The following ZBTB20 variants were observed in gnomAD, a reference collection of about 807,000 sequenced individuals.
ZBTB20 encodes the protein zinc finger and BTB domain-containing protein 20.
In ZBTB20, 9 loss-of-function variants were observed where a neutral mutation model predicts 56.9. That is an observed-to-expected ratio of 0.16 (90% CI 0.10 to 0.28). The LOEUF is 0.28. Among genes scored for constraint, ZBTB20 ranks in the 10% least tolerant of loss-of-function variants. The pLI, the probability that ZBTB20 is intolerant of heterozygous loss-of-function variation, is 1.00. For missense variants in ZBTB20, 655 were observed against 1,003.0 expected, an observed-to-expected ratio of 0.65 and a Z score of 4.69; for synonymous variants, 417 against 420.7, an observed-to-expected ratio of 0.99 and a Z score of 0.11.
chr3:115,063,894 T>C (rs2082108244), intron 2 of ZBTB20, among the ~76,000 whole-genome samples: 1 of 152,196 alleles, frequency 6.6e-6, no homozygotes, highest in Non-Finnish European at 1.5e-5. Flanking sequence ...TCTTTGATAC[T>C]ACCTCATTTC....
intron 10 of ZBTB20, among the ~76,000 whole-genome samples, chr3:114,376,236 G>C: frequency 6.6e-6 from 1 of 152,138 alleles, no homozygotes; most frequent in East Asian, 1.9e-4. Flanking sequence ...AAAAATCAAA[G>C]GATAAAAGCT....
At chr3:114,838,145 G>A (rs35767067) in intron 4 of ZBTB20, among the ~76,000 whole-genome samples, 14,304 of 152,122 alleles carry the variant, frequency 0.094, 977 homozygotes, top group Middle Eastern at 0.19. Flanking sequence ...GAGGCAATTC[G>A]TGAGGGCCTC....
intron 7 of ZBTB20, among the ~76,000 whole-genome samples, chr3:114,492,470 C>T (rs1214277554): frequency 2.0e-5 from 3 of 152,208 alleles, no homozygotes; most frequent in African/African-American, 7.2e-5. Context: ...GTCATTGTTG[C>T]CACTTCTCTC....
At chr3:115,085,059 A>G (rs2082935298) in intron 1 of ZBTB20, among the ~76,000 whole-genome samples, 1 of 152,006 alleles carries the variant, frequency 6.6e-6, no homozygotes, top group Non-Finnish European at 1.5e-5. Context: ...ATCTTTTCCA[A>G]AAAAAGATAT....
intron 7 of ZBTB20, among the ~76,000 whole-genome samples, chr3:114,466,360 C>A (rs996595249): frequency 6.6e-6 from 1 of 152,164 alleles, no homozygotes. Flanking sequence ...GCAAGGCACA[C>A]AACTAATAAG....
At chr3:114,951,369 TAA>T (rs2077061908) in intron 3 of ZBTB20, among the ~76,000 whole-genome samples, 1 of 152,014 alleles carries the variant, frequency 6.6e-6, no homozygotes. Context: ...CCAGGAAAAC[TAA>T]AAAATACTAA....
At chr3:115,079,511 C>A (rs1286440703) in intron 1 of ZBTB20, among the ~76,000 whole-genome samples, 3 of 152,130 alleles carry the variant, frequency 2.0e-5, no homozygotes, top group Non-Finnish European at 4.4e-5. Context: ...GCCTCAGCCT[C>A]CTGAGTAGCT....
intron 4 of ZBTB20, among the ~76,000 whole-genome samples, chr3:114,860,388 G>A (rs2075469392): frequency 6.6e-6 from 1 of 152,152 alleles, no homozygotes; most frequent in Non-Finnish European, 1.5e-5. Flanking sequence ...AGGCCTTCAT[G>A]GGGGAGATGG....
intron 7 of ZBTB20, among the ~76,000 whole-genome samples, chr3:114,435,719 G>A (rs985578004): frequency 1.3e-5 from 2 of 152,118 alleles, no homozygotes; most frequent in African/African-American, 4.8e-5. Context: ...AGTTTGGCTT[G>A]GTTACATATT....
chr3:114,402,323 G>A (rs140449062), intron 7 of ZBTB20, among the ~76,000 whole-genome samples: 416 of 152,120 alleles, frequency 2.7e-3, no homozygotes, highest in African/African-American at 8.8e-3. Context: ...TGCTTTTGGA[G>A]TACTCTCCAA....
At chr3:114,843,653 G>GC (rs1366891730) in intron 4 of ZBTB20, among the ~76,000 whole-genome samples, 1 of 151,988 alleles carries the variant, frequency 6.6e-6, no homozygotes, top group Non-Finnish European at 1.5e-5. Context: ...ACAGGCATAA[G>GC]CCCCCATGGC....
chr3:114,929,524 C>T (rs1412936924), intron 3 of ZBTB20, among the ~76,000 whole-genome samples: 2 of 152,200 alleles, frequency 1.3e-5, no homozygotes, highest in Non-Finnish European at 2.9e-5. Context: ...TTTCCCATCT[C>T]ATGATCATGT....
intron 4 of ZBTB20, among the ~76,000 whole-genome samples, chr3:114,889,053 T>A (rs1483601348): frequency 6.6e-6 from 1 of 152,064 alleles, no homozygotes; most frequent in Non-Finnish European, 1.5e-5. Context: ...CTTTTAAAAA[T>A]ATATTTTTAA....
intron 6 of ZBTB20, among the ~76,000 whole-genome samples, chr3:114,560,649 C>T (rs1172878996): frequency 1.3e-5 from 2 of 152,110 alleles, no homozygotes; most frequent in Admixed American, 1.3e-4. Flanking sequence ...TACTTTATTG[C>T]TGAAAAGTGC....
chr3:114,713,943 C>G (rs574264436), intron 5 of ZBTB20: 1 of 152,684 alleles, frequency 6.5e-6, no homozygotes, highest in South Asian at 2.1e-4. Context: ...AGTTTCATCT[C>G]TGATCGAATT....
intron 7 of ZBTB20, among the ~76,000 whole-genome samples, chr3:114,481,347 C>T (rs1340665645): frequency 6.6e-6 from 1 of 151,864 alleles, no homozygotes; most frequent in East Asian, 1.9e-4. Context: ...CATCCTACTA[C>T]TCTAGTGCTG....
intron 7 of ZBTB20, among the ~76,000 whole-genome samples, chr3:114,412,552 G>C (rs1320950239): frequency 3.9e-5 from 6 of 152,062 alleles, no homozygotes; most frequent in Admixed American, 3.9e-4. Context: ...CTCCACAGTA[G>C]GTTGCCACCC....
intron 2 of ZBTB20, among the ~76,000 whole-genome samples, chr3:115,025,596 A>T (rs1230454678): frequency 6.6e-6 from 1 of 150,956 alleles, no homozygotes; most frequent in Non-Finnish European, 1.5e-5. Flanking sequence ...GATTCATGGG[A>T]TCACAAAATA....
chr3:115,000,828 C>G (rs1003466484), intron 2 of ZBTB20, among the ~76,000 whole-genome samples: 2 of 151,372 alleles, frequency 1.3e-5, no homozygotes, highest in African/African-American at 4.8e-5. Flanking sequence ...AAATGTGGCC[C>G]CCACTACTAG....
Sources: allele counts gnomAD v4.1 joint callset (sites outside exome capture counted in the v4.1 genomes callset), GRCh38; gene constraint gnomAD v4.1.1; transcripts MANE v1.5; gene names NCBI Gene and HGNC (gene_info 2026-07-23, HGNC 2026-07-21).